STAG3: variants seen among roughly 807,000 people sequenced by gnomAD.
STAG3 encodes the protein cohesin subunit SA-3.
A neutral mutation model predicts 160.7 loss-of-function variants in STAG3; 101 were observed. The ratio of observed to expected loss-of-function variants is 0.63; its 90% CI spans 0.54 to 0.74. The LOEUF is 0.74. Ranked by LOEUF, STAG3 falls within the 30% of genes least tolerant of loss-of-function variation. The probability of loss-of-function intolerance (pLI) is 0.00; values close to 1 mark genes in which losing one functional copy is unlikely to be tolerated. For synonymous variants in STAG3, 519 were observed against 585.0 expected (o/e 0.89, Z 1.63); for missense variants, 1,188 against 1,517.4 (o/e 0.78, Z 3.61).
intron 3 of STAG3, among the ~76,000 whole-genome samples, 194 bp downstream of exon 3, chr7:100,182,386 A>T (rs1162036735): frequency 6.6e-6 from 1 of 152,086 alleles, no homozygotes; most frequent in East Asian, 1.9e-4. Context: ...AGAAAACCTA[A>T]AAGAGGTTCA....
At chr7:100,201,550 A>T in intron 21 of STAG3, 199 bp downstream of exon 21, 1 of 639,696 alleles carries the variant, frequency 1.6e-6, no homozygotes, top group Non-Finnish European at 2.7e-6. Flanking sequence ...GATTTCCTGG[A>T]AGCCAAGGAT....
Position 100,214,083 on chromosome 7 carries a change from G to C in STAG3, c.*68G>C. 1 of 1,581,778 alleles carries C rather than the reference G, an allele frequency of 6.3e-7. No individual in the cohort carries two copies. The highest frequency in any genetic ancestry group is 8.7e-7 in the Non-Finnish European group (1 of 1,153,530). On this transcript the variant is annotated 3_prime_UTR_variant, in exon 34 of 34. Coordinates refer to ENST00000615138, the MANE Select transcript of STAG3 (RefSeq NM_001282717.2). Reference sequence around the variant, plus strand: ...AATGTGACCATTTGGAAAAGGCAAAGAGAAAAGGAGCAAAATGAAGCATTC... The same window carrying C: ...AATGTGACCATTTGGAAAAGGCAAACAGAAAAGGAGCAAAATGAAGCATTC...
At chr7:100,198,001 C>G in intron 11 of STAG3, 86 bp from the exon 12 acceptor site, 3 of 1,532,226 alleles carry the variant, frequency 2.0e-6, no homozygotes, top group Non-Finnish European at 2.7e-6. Flanking sequence ...TACGTAGGCA[C>G]TCTCTTTAGG....
chr7:100,183,112 C>G (rs1359245857), intron 4 of STAG3, among the ~76,000 whole-genome samples: 2 of 151,980 alleles, frequency 1.3e-5, no homozygotes, highest in Non-Finnish European at 2.9e-5. Flanking sequence ...CTCCTGGGTT[C>G]AAGCGATTCT....
intron 1 of STAG3, among the ~76,000 whole-genome samples, chr7:100,179,688 GTGT>G (rs761272123): frequency 5.3e-5 from 8 of 152,186 alleles, no homozygotes; most frequent in Non-Finnish European, 1.0e-4. Context: ...AGTTTCTGGG[GTGT>G]TGTTGTGCTT....
Position 100,214,181 on chromosome 7 carries a change from G to C in STAG3, c.*166G>C. On this transcript the variant is annotated 3_prime_UTR_variant, in exon 34 of 34. Coordinates refer to ENST00000615138, the MANE Select transcript of STAG3 (RefSeq NM_001282717.2). ...TTTTCTAACCTAACCTTTCCCTCTG[G>C]GGTAGAGAAGCCGAGAGACCCTGTC... 1 of 974,466 alleles carries C rather than the reference G, an allele frequency of 1.0e-6. No individual in the cohort carries two copies. The highest frequency in any genetic ancestry group is 1.6e-5 in the South Asian group (1 of 64,460). The allele number at this position is 974,466 out of a possible 1,614,324, so 60.4% of individuals were successfully genotyped here.
intron 8 of STAG3, among the ~76,000 whole-genome samples, chr7:100,194,773 T>C (rs1800573930): frequency 6.6e-6 from 1 of 152,174 alleles, no homozygotes; most frequent in Non-Finnish European, 1.5e-5. Context: ...CCAGCCTGGG[T>C]GCCAGAGTGA....
chr7:100,200,650 G>A, intron 18 of STAG3, 108 bp downstream of exon 18: 1 of 1,535,086 alleles, frequency 6.5e-7, no homozygotes, highest in Non-Finnish European at 8.9e-7. Flanking sequence ...AAATCAGCAA[G>A]CCTTTTCTTA....
At chr7:100,192,149 G>A (rs1157671418) in intron 8 of STAG3, among the ~76,000 whole-genome samples, 2 of 152,154 alleles carry the variant, frequency 1.3e-5, no homozygotes, top group Admixed American at 6.5e-5. Flanking sequence ...CATCCGTGAG[G>A]GTTAGAATCA....
At chr7:100,195,661 C>T (rs1409922951) in intron 9 of STAG3, among the ~76,000 whole-genome samples, 2 of 152,300 alleles carry the variant, frequency 1.3e-5, no homozygotes, top group East Asian at 1.9e-4. Flanking sequence ...TGCCCCAACT[C>T]CTCATCTTTC....
At chr7:100,209,307 G>C (rs1340662151) in intron 29 of STAG3, among the ~76,000 whole-genome samples, 1 of 152,176 alleles carries the variant, frequency 6.6e-6, no homozygotes, top group Non-Finnish European at 1.5e-5. Context: ...ACAGGTGAGG[G>C]AGGGTGCTTA....
intron 8 of STAG3, among the ~76,000 whole-genome samples, chr7:100,193,939 C>CTTTT (rs57044186): frequency 2.2e-4 from 27 of 121,978 alleles, no homozygotes; most frequent in South Asian, 5.1e-4. Flanking sequence ...TTAATCATTT[C>CTTTT]TTTTTTTTTT....
intron 10 of STAG3, chr7:100,197,512 T>G (rs1800765925): frequency 1.5e-6 from 1 of 687,588 alleles, no homozygotes; most frequent in Non-Finnish European, 2.6e-6. Flanking sequence ...AGAGAGACTT[T>G]CCCATGGAAG....
downstream of STAG3, chr7:100,214,859 TC>T (rs1460366078): frequency 2.6e-5 from 4 of 152,168 alleles, no homozygotes; most frequent in Non-Finnish European, 5.9e-5. Flanking sequence ...AGTGACAATG[TC>T]ACCTTCACTC....
At chr7:100,200,746 C>T in intron 18 of STAG3, 23 bp from the exon 19 acceptor site, 1 of 1,612,550 alleles carries the variant, frequency 6.2e-7, no homozygotes, top group Non-Finnish European at 8.5e-7. Flanking sequence ...CACAGCACAC[C>T]ATCTTCTGCC....
At chr7:100,208,197 G>A (rs573815002) in intron 29 of STAG3, among the ~76,000 whole-genome samples, 6 of 152,238 alleles carry the variant, frequency 3.9e-5, no homozygotes, top group African/African-American at 1.4e-4. Flanking sequence ...TATAGTGTGA[G>A]ATGAGGTGTG....
At chr7:100,197,520 AAG>A in intron 10 of STAG3, 1 of 668,324 alleles carries the variant, frequency 1.5e-6, no homozygotes, top group South Asian at 1.8e-5. Context: ...TTTCCCATGG[AAG>A]AGAGTTATTG....
At chr7:100,179,143 CTTT>C (rs34870349) in intron 1 of STAG3, among the ~76,000 whole-genome samples, 2 of 127,052 alleles carry the variant, frequency 1.6e-5, no homozygotes, top group African/African-American at 2.9e-5. Context: ...GGCACCTTGC[CTTT>C]TTTTTTTTTT....
intron 7 of STAG3, 104 bp from the exon 8 acceptor site, chr7:100,189,341 G>C (rs11764176): frequency 7.8e-7 from 1 of 1,288,376 alleles, no homozygotes; most frequent in Admixed American, 2.2e-5. Flanking sequence ...CTGCTCTGAC[G>C]TCTCATTTTC....
Sources: gnomAD v4.1 joint callset for allele counts (sites outside exome capture counted in the v4.1 genomes callset) on GRCh38, gnomAD v4.1.1 for gene constraint, MANE v1.5 for transcripts, NCBI Gene and HGNC (gene_info 2026-07-23, HGNC 2026-07-21) for gene names.